The following SCAPER variants were observed in gnomAD, a reference collection of about 807,000 sequenced individuals.
The protein encoded by SCAPER is S-phase cyclin A associated protein in the ER.
In SCAPER, 98 loss-of-function variants were observed where a neutral mutation model predicts 182.2. That is an observed-to-expected ratio of 0.54 (90% CI 0.46 to 0.64). SCAPER has a LOEUF of 0.64. Ranked by LOEUF, SCAPER falls within the 30% of genes least tolerant of loss-of-function variation. The pLI, the probability that SCAPER is intolerant of heterozygous loss-of-function variation, is 0.00. For missense variants in SCAPER, 1,432 were observed against 1,690.0 expected, an observed-to-expected ratio of 0.85 and a Z score of 2.68; for synonymous variants, 605 against 564.6, an observed-to-expected ratio of 1.07 and a Z score of -1.01.
At chr15:76,620,338 A>G (rs1290788335) in intron 22 of SCAPER, among the ~76,000 whole-genome samples, 3 of 152,048 alleles carry the variant, frequency 2.0e-5, no homozygotes, top group African/African-American at 7.2e-5. Context: ...GTTACCTATT[A>G]TTGTTATTAT....
chr15:76,721,157 G>T lies in SCAPER; in HGVS notation c.2165+7438C>A, dbSNP rs1225019985. On this transcript the variant is annotated intron_variant, in intron 17 of 31. Coordinates refer to ENST00000563290, the MANE Select transcript of SCAPER (RefSeq NM_020843.4). ...CTTTCTACATATGGCTAGCCAGTTT[G>T]CCCAGCACCTTTTATTAAATAGGGA... is the stretch of plus-strand genomic sequence containing the variant. 1.1e-3 allele frequency among the ~76,000 whole-genome samples: 160 copies of T among 151,950 alleles called. 1 individual carries two copies. In the East Asian group the frequency reaches 0.011, roughly 11 times the overall value.
At chr15:76,368,787 T>C (rs1232931693) in intron 29 of SCAPER, among the ~76,000 whole-genome samples, 1 of 152,230 alleles carries the variant, frequency 6.6e-6, no homozygotes, top group Non-Finnish European at 1.5e-5. Context: ...AAGGTGCATA[T>C]TCCCAATATA....
In SCAPER at chr15:76,615,140, T is replaced by TG. The variant is rs1251078008; in HGVS notation, c.2711+6623dup. ...AAAATCTCTCGTTGAAGAAAAGCCT[T>TG]GGACTTGATGGATTCACTGGTGAAT... On this transcript the variant is annotated intron_variant, in intron 22 of 31. Transcript: ENST00000563290. 3.3e-5 allele frequency among the ~76,000 whole-genome samples: 5 copies of TG among 152,286 alleles called. No individual in the cohort carries two copies. In the East Asian group the frequency reaches 9.6e-4, roughly 29 times the overall value.
chr15:76,766,905 T>C lies in SCAPER; in HGVS notation c.1419+13A>G. 1.9e-6 allele frequency: 3 copies of C among 1,581,696 alleles called. No individual in the cohort carries two copies. The highest frequency in any genetic ancestry group is 2.6e-6 in the Non-Finnish European group (3 of 1,170,960). On this transcript the variant is annotated intron_variant, in intron 11 of 31. Transcript: ENST00000563290. Reference sequence around the variant, plus strand: ...AATTTTGAATAGTTATGTTAAAAAGTCTAAAAGCTCACAGAAAAATCACTG... The same window carrying C: ...AATTTTGAATAGTTATGTTAAAAAGCCTAAAAGCTCACAGAAAAATCACTG...
intron 20 of SCAPER, among the ~76,000 whole-genome samples, chr15:76,697,720 A>C (rs1299649530): frequency 6.6e-6 from 1 of 152,022 alleles, no homozygotes; most frequent in Non-Finnish European, 1.5e-5. Context: ...GCTCACTGCA[A>C]CCTCCGGCTT....
At chr15:76,361,353 T>G (rs1293727752) in intron 29 of SCAPER, among the ~76,000 whole-genome samples, 1 of 152,152 alleles carries the variant, frequency 6.6e-6, no homozygotes, top group Non-Finnish European at 1.5e-5. Flanking sequence ...GAGCATCTAC[T>G]CTAGCCAAGC....
intron 27 of SCAPER, among the ~76,000 whole-genome samples, chr15:76,394,539 C>T (rs2043921583): frequency 6.6e-6 from 1 of 152,110 alleles, no homozygotes; most frequent in Non-Finnish European, 1.5e-5. Context: ...TCAAAACATT[C>T]TTCTTTCCAT....
intron 17 of SCAPER, among the ~76,000 whole-genome samples, chr15:76,711,162 T>G (rs950548187): frequency 6.6e-6 from 1 of 152,178 alleles, no homozygotes. Flanking sequence ...TTCTTAGATA[T>G]GAAAACCATT....
At chr15:76,523,692 CAG>C (rs1233571598) in intron 23 of SCAPER, among the ~76,000 whole-genome samples, 2 of 151,992 alleles carry the variant, frequency 1.3e-5, no homozygotes, top group Admixed American at 1.3e-4. Flanking sequence ...TCAGAGGGCT[CAG>C]AGAGCACAGA....
At chr15:76,389,661 AC>A (rs1205674601) in intron 27 of SCAPER, among the ~76,000 whole-genome samples, 4 of 151,308 alleles carry the variant, frequency 2.6e-5, no homozygotes, top group African/African-American at 9.7e-5. Context: ...AAAAAGAAAT[AC>A]AAAAAATTAG....
intron 8 of SCAPER, among the ~76,000 whole-genome samples, chr15:76,787,200 A>C (rs912697612): frequency 1.3e-5 from 2 of 152,204 alleles, no homozygotes; most frequent in Non-Finnish European, 2.9e-5. Context: ...TTGAAAAAGA[A>C]AAGAAGCAAT....
Position 76,354,336 on chromosome 15 carries a change from G to A in SCAPER, c.3856-196C>T. ...AAAAAAATCTCATTTCCCAACTTAA[G>A]GAAAAGATCCTGAAAGTTTTGCACT... On this transcript the variant is annotated intron_variant, in intron 29 of 31. Transcript: ENST00000563290. This position sits in a 1 kb window ranked among gnomAD's most constrained non-coding sequence, Gnocchi z 4.4. The A allele has an allele frequency of 2.0e-6, 1 of 496,546 alleles. No homozygotes were observed. The highest frequency in any genetic ancestry group is 3.4e-6 in the Non-Finnish European group (1 of 290,740). 30.8% of individuals were successfully genotyped at this position (496,546 alleles called of 1,614,324 possible).
rs568228211 is a variant in SCAPER at position 76,813,025 on chromosome 15, G to A, written c.394-8392C>T. Among the ~76,000 whole-genome samples the A allele has an allele frequency of 6.7e-5, 8 of 119,726 alleles. No individual in the cohort carries two copies. In the South Asian group the frequency reaches 2.6e-3, roughly 38 times the overall value. 78.5% of individuals were successfully genotyped at this position (119,726 alleles called of 152,430 possible). Reference sequence around the variant, plus strand: ...ATACACACAAAAATGCTCAATACTAGGGAACCAAATTCAACAATACATCAA... The same window carrying A: ...ATACACACAAAAATGCTCAATACTAAGGAACCAAATTCAACAATACATCAA... On this transcript the variant is annotated intron_variant, in intron 5 of 31. Coordinates refer to ENST00000563290, the MANE Select transcript of SCAPER (RefSeq NM_020843.4).
chr15:76,421,273 C>T (rs1433064835), intron 26 of SCAPER, among the ~76,000 whole-genome samples: 1 of 152,206 alleles, frequency 6.6e-6, no homozygotes, highest in Admixed American at 6.5e-5. Context: ...CACATCCTCT[C>T]CAGCACCTGC....
At chr15:76,417,886 T>C (rs2045763892) in intron 26 of SCAPER, among the ~76,000 whole-genome samples, 1 of 151,998 alleles carries the variant, frequency 6.6e-6, no homozygotes, top group African/African-American at 2.4e-5. Flanking sequence ...GGCGTGGTGG[T>C]GCGCGCCTAT....
At chr15:76,756,615 G>A (rs2062451923) in intron 14 of SCAPER, among the ~76,000 whole-genome samples, 1 of 151,958 alleles carries the variant, frequency 6.6e-6, no homozygotes, top group Non-Finnish European at 1.5e-5. Context: ...TGCAATTCCT[G>A]GTTGCCTTTT....
chr15:76,731,382 T>C (rs280032), intron 16 of SCAPER, among the ~76,000 whole-genome samples: 3,934 of 152,272 alleles, frequency 0.026, 169 homozygotes, highest in African/African-American at 0.089. Context: ...ATTGAGCTTA[T>C]AATTAATCAA....
intron 29 of SCAPER, among the ~76,000 whole-genome samples, chr15:76,360,579 C>T (rs534457969): frequency 6.6e-6 from 1 of 152,366 alleles, no homozygotes; most frequent in South Asian, 2.1e-4. Context: ...TGACTGGCTG[C>T]CAGCCAGCTT....
intron 21 of SCAPER, among the ~76,000 whole-genome samples, chr15:76,642,230 T>A (rs1202641060): frequency 3.9e-5 from 6 of 152,194 alleles, no homozygotes; most frequent in Non-Finnish European, 8.8e-5. Context: ...TTATCCACGT[T>A]TTCTTTATCT....
Sources: gnomAD v4.1 joint callset for allele counts (sites outside exome capture counted in the v4.1 genomes callset) on GRCh38, gnomAD v4.1.1 for gene constraint, Gnocchi (gnomAD v3.1) non-coding constraint, MANE v1.5 for transcripts, NCBI Gene and HGNC (gene_info 2026-07-23, HGNC 2026-07-21) for gene names.